Variants in CENPI observed in about 807,000 individuals in gnomAD.
CENPI encodes FSH primary response 1.
Under a neutral mutation model 60.4 loss-of-function variants are expected in CENPI, and 4 were observed. The ratio of observed to expected loss-of-function variants is 0.07; its 90% CI spans 0.03 to 0.15. CENPI has a LOEUF of 0.15. CENPI is among the 10% of genes least tolerant of loss of function. The pLI is 1.00. For synonymous variants in CENPI, 157 were observed against 189.4 expected (o/e 0.83, Z 1.40); for missense variants, 444 against 534.5 (o/e 0.83, Z 1.67).
In CENPI at chrX:101,161,561, T is replaced by C; in HGVS notation, c.2128T>C (p.Ser710Pro). Residue 710 changes from serine (S) to proline (P), a missense_variant, in exon 21 of 22, where the codon TCT (serine) becomes CCT (proline). Coordinates refer to ENST00000682095, the MANE Select transcript of CENPI (RefSeq NM_001386188.2). ...SPEERTVNVS[S>P]IRGKKWSWYL... ...AGAAGAAAGGACAGTAAATGTGAGC[T>C]CTATTCGGGTAAATAAATTTACTTT... 8.3e-7 allele frequency: 1 copy of C among 1,203,067 alleles called. No homozygotes were observed.
At position 101,162,986 on chromosome X, in the gene CENPI, T is replaced by C; in HGVS notation, c.*19T>C. On this transcript the variant is annotated 3_prime_UTR_variant, in exon 22 of 22. Transcript: ENST00000682095. Reference sequence around the variant, plus strand: ...ATATTAAATGAATGTTGACATAAACTGAACACACTGGACTAAACTCACTCC... The same window carrying C: ...ATATTAAATGAATGTTGACATAAACCGAACACACTGGACTAAACTCACTCC... 8.3e-7 allele frequency: 1 copy of C among 1,202,992 alleles called. No individual in the cohort carries two copies. Among genetic ancestry groups the C allele is most frequent in the Non-Finnish European group, 1.1e-6 (1 of 890,020 alleles).
At position 101,163,810 on chromosome X, in the gene CENPI, T is replaced by C. The variant is rs2090130670; in HGVS notation, c.*843T>C. 2 of 111,482 alleles carry C rather than the reference T, an allele frequency of 1.8e-5. No homozygotes were observed. The highest frequency in any genetic ancestry group is 6.5e-5 in the African/African-American group (2 of 30,640). The allele number at this position is 111,482 out of a possible 1,213,427, so 9.2% of individuals were successfully genotyped here. A position where few individuals can be genotyped will look rare whatever the true frequency, so the allele number is the denominator to read the frequency against. Reference sequence around the variant, plus strand: ...CAGCACTTTGGGAGGCCAAGGTGGGTGGATCATGAGGTCAGGAGTTCGAGA... The same window carrying C: ...CAGCACTTTGGGAGGCCAAGGTGGGCGGATCATGAGGTCAGGAGTTCGAGA... On this transcript the variant is annotated 3_prime_UTR_variant, in exon 22 of 22. Transcript: ENST00000682095.
intron 20 of CENPI, among the ~76,000 whole-genome samples, chrX:101,160,556 T>G (rs913158553): frequency 1.9e-5 from 2 of 105,986 alleles, no homozygotes; most frequent in Non-Finnish European, 3.9e-5. Flanking sequence ...AATTTTTGTA[T>G]TTTTTTTTGT....
At chrX:101,109,711 A>G (rs376267745) in intron 5 of CENPI, 120 bp downstream of exon 5, 2 of 581,528 alleles carry the variant, frequency 3.4e-6, no homozygotes, top group African/African-American at 2.2e-5. Context: ...TTTTGGAACA[A>G]TATATCTTGA....
At position 101,143,564 on chromosome X, in the gene CENPI, C is replaced by T. The variant is rs753872777; in HGVS notation, c.1566-1500C>T. ...ATTTTGAGATGGAGTCTCACTCTGT[C>T]GCCCAGGCCAGGCTGAAGTGCGATA... On this transcript the variant is annotated intron_variant, in intron 16 of 21. Coordinates refer to ENST00000682095, the MANE Select transcript of CENPI (RefSeq NM_001386188.2). Among the ~76,000 whole-genome samples the T allele has an allele frequency of 5.3e-5, 6 of 112,730 alleles. No individual in the cohort carries two copies. In the East Asian group the frequency reaches 8.3e-4, roughly 16 times the overall value.
intron 6 of CENPI, among the ~76,000 whole-genome samples, chrX:101,118,523 G>A (rs1356363606): frequency 8.9e-6 from 1 of 112,587 alleles, no homozygotes; most frequent in East Asian, 2.8e-4. Flanking sequence ...AATAGACTGA[G>A]TTCTTCCAGT....
At chrX:101,107,394 T>G (rs2089495725) in intron 4 of CENPI, among the ~76,000 whole-genome samples, 1 of 110,843 alleles carries the variant, frequency 9.0e-6, no homozygotes, top group Admixed American at 9.8e-5. Flanking sequence ...TTCACTCTTA[T>G]TGCCCAGGCT....
At position 101,127,195 on chromosome X, in the gene CENPI, A is replaced by G; in HGVS notation, c.835A>G (p.Arg279Gly). Residue 279 changes from arginine to glycine, a missense_variant, in exon 10 of 22, where the codon AGA (arginine) becomes GGA (glycine). Coordinates refer to ENST00000682095, the MANE Select transcript of CENPI (RefSeq NM_001386188.2). ...GACGGCTCTGCTTGCCGTGAAGCAA[A>G]GAAACCGGGGACCTTCTCCAGAACC... ...WKTALLAVKQRNRGPSPEPLK... is the reference protein window; with the variant it reads ...WKTALLAVKQGNRGPSPEPLK... 1 of 1,197,367 alleles carries G rather than the reference A, an allele frequency of 8.4e-7. No individual in the cohort carries two copies. The highest frequency in any genetic ancestry group is 1.1e-6 in the Non-Finnish European group (1 of 888,541).
Position 101,102,781 on chromosome X carries a change from G to A in CENPI, c.364+370G>A, listed in dbSNP as rs183111431. ...TGCTACCTCTGCCTCTCGGGTTCAA[G>A]CAATTCTCCTGCCTCAGCCTCCTGA... On this transcript the variant is annotated intron_variant, in intron 4 of 21. Coordinates refer to ENST00000682095, the MANE Select transcript of CENPI (RefSeq NM_001386188.2). Among the ~76,000 whole-genome samples, 31 of 109,220 alleles carry A rather than the reference G, an allele frequency of 2.8e-4. No individual in the cohort carries two copies. The East Asian group carries it at 8.9e-3, about 31-fold the overall frequency. 94.8% of individuals were successfully genotyped at this position (109,220 alleles called of 115,157 possible).
intron 20 of CENPI, among the ~76,000 whole-genome samples, chrX:101,152,073 CT>C (rs201746153): frequency 1.8e-5 from 2 of 108,218 alleles, no homozygotes; most frequent in Non-Finnish European, 1.9e-5. Flanking sequence ...CTAGAAGTTT[CT>C]TTTTTTTTGA....
chrX:101,178,398 CTTTTTTTTTT>C, the CENPI span, among the ~76,000 whole-genome samples: 364 of 39,972 alleles, frequency 9.1e-3, 3 homozygotes, highest in African/African-American at 0.024. Flanking sequence ...TTTTCTTCTT[CTTTTTTTTTT>C]TTTTTTTTTT....
chrX:101,126,922 T>C, intron 9 of CENPI, 124 bp downstream of exon 9: 1 of 714,091 alleles, frequency 1.4e-6, no homozygotes, highest in Non-Finnish European at 2.0e-6. Context: ...ATTGTGGTAC[T>C]GTTTTGGGAA....
At chrX:101,111,711 G>A (rs761351265) in intron 6 of CENPI, among the ~76,000 whole-genome samples, 9 of 111,408 alleles carry the variant, frequency 8.1e-5, no homozygotes, top group African/African-American at 1.3e-4. Flanking sequence ...ATTGAGTTGC[G>A]AGCCAAACTA....
chrX:101,170,024 G>C (rs1192386346), downstream of CENPI, among the ~76,000 whole-genome samples: 1 of 111,811 alleles, frequency 8.9e-6, no homozygotes, highest in Non-Finnish European at 1.9e-5. Flanking sequence ...TTGAAGAAAA[G>C]CTTTTTATAG....
rs758035252 is a variant in CENPI, at chrX:101,164,777, A to T, written c.*1810A>T. Among the ~76,000 whole-genome samples the T allele has an allele frequency of 8.9e-6, 1 of 112,762 alleles. No homozygotes were observed. Among genetic ancestry groups the T allele is most frequent in the South Asian group, 3.6e-4 (1 of 2,744 alleles). On this transcript the variant is annotated 3_prime_UTR_variant, in exon 22 of 22. Transcript: ENST00000682095. ...TTTTTTTGTATCTTTTGAGATTATCATATGGCTTTTGTCCTTCATTCTGTT... is the reference window on the plus strand; with the variant it reads ...TTTTTTTGTATCTTTTGAGATTATCTTATGGCTTTTGTCCTTCATTCTGTT...
the CENPI span, among the ~76,000 whole-genome samples, chrX:101,181,204 T>C: frequency 2.2e-4 from 25 of 111,405 alleles, no homozygotes; most frequent in Non-Finnish European, 4.1e-4. Context: ...GTCTTTGTTA[T>C]TGTACCTTTG....
Position 101,163,185 on chromosome X carries a change from C to G in CENPI, c.*218C>G. 2.9e-6 allele frequency: 1 copy of G among 346,983 alleles called. No homozygotes were observed. The highest frequency in any genetic ancestry group is 5.5e-5 in the East Asian group (1 of 18,336). The allele number at this position is 346,983 out of a possible 1,213,427, so 28.6% of individuals were successfully genotyped here. A position where few individuals can be genotyped will look rare whatever the true frequency, so the allele number is the denominator to read the frequency against. On this transcript the variant is annotated 3_prime_UTR_variant, in exon 22 of 22. Transcript: ENST00000682095. ...TTTAGCCTACCAGTGAAAAATGACC[C>G]CTTCATCATCAGGCTCTGCGTTCTA... is the stretch of plus-strand genomic sequence containing the variant.
intron 8 of CENPI, among the ~76,000 whole-genome samples, chrX:101,124,659 TC>T (rs748867616): frequency 1.8e-4 from 20 of 110,887 alleles, no homozygotes; most frequent in Non-Finnish European, 3.4e-4. Flanking sequence ...GGGGGCGGTT[TC>T]CCCCATGCTA....
intron 15 of CENPI, among the ~76,000 whole-genome samples, chrX:101,134,838 A>G (rs1359944352): frequency 9.0e-6 from 1 of 110,942 alleles, no homozygotes; most frequent in Non-Finnish European, 1.9e-5. Context: ...AGCCTAGGCA[A>G]CGTGGTGAAA....
Sources: gnomAD v4.1 joint callset for allele counts (sites outside exome capture counted in the v4.1 genomes callset) on GRCh38, gnomAD v4.1.1 for gene constraint, MANE v1.5 for transcripts, NCBI Gene and HGNC (gene_info 2026-07-23, HGNC 2026-07-21) for gene names.